Variants in WNT3 observed in about 807,000 individuals in gnomAD.
WNT3 encodes proto-oncogene Wnt-3.
A neutral mutation model predicts 34.2 loss-of-function variants in WNT3; 7 were observed. The observed-to-expected ratio is 0.20, with a 90% CI of 0.12 to 0.38. WNT3 has a LOEUF of 0.38. WNT3 is among the 10% of genes least tolerant of loss of function. The probability of loss-of-function intolerance (pLI) is 1.00; values close to 1 mark genes in which losing one functional copy is unlikely to be tolerated. For synonymous variants in WNT3, 212 were observed against 211.5 expected, an observed-to-expected ratio of 1.00 and a Z score of -0.02; for missense variants, 267 against 499.8, an observed-to-expected ratio of 0.53 and a Z score of 4.44.
rs1475406463 is a variant in WNT3 at position 46,762,883 on chromosome 17, T to C, written c.*1747A>G. 1 of 152,220 alleles carries C rather than the reference T, an allele frequency of 6.6e-6. No individual in the cohort carries two copies. Among genetic ancestry groups the C allele is most frequent in the Non-Finnish European group, 1.5e-5 (1 of 68,046 alleles). 9.4% of individuals were successfully genotyped at this position (152,220 alleles called of 1,614,324 possible). On this transcript the variant is annotated 3_prime_UTR_variant, in exon 5 of 5. Coordinates refer to ENST00000225512, the MANE Select transcript of WNT3 (RefSeq NM_030753.5). ...ACTTTTAATATAGAATACATAGATA[T>C]GAAAAGATTGTTTTGAAAATTCGTA...
chr17:46,814,865 T>G, intron 1 of WNT3, among the ~76,000 whole-genome samples: 1 of 151,970 alleles, frequency 6.6e-6, no homozygotes, highest in Non-Finnish European at 1.5e-5. Flanking sequence ...GAAACTGAGG[T>G]AGGTCTTAGG....
At chr17:46,783,819 C>T (rs1215907419) in intron 1 of WNT3, among the ~76,000 whole-genome samples, 1 of 152,192 alleles carries the variant, frequency 6.6e-6, no homozygotes, top group Non-Finnish European at 1.5e-5. Context: ...CTAGGAGCCA[C>T]ACAGAGAAGC....
intron 1 of WNT3, among the ~76,000 whole-genome samples, chr17:46,796,001 G>T (rs1014310542): frequency 5.9e-5 from 9 of 152,120 alleles, no homozygotes; most frequent in Non-Finnish European, 1.3e-4. Context: ...AAAAAGAACT[G>T]ATCAGGTTGT....
At chr17:46,772,455 G>C (rs1174087698) in intron 2 of WNT3, among the ~76,000 whole-genome samples, 5 of 152,238 alleles carry the variant, frequency 3.3e-5, no homozygotes, top group Non-Finnish European at 7.3e-5. Flanking sequence ...ACGCAGGGTT[G>C]TTTGATTCAG....
intron 1 of WNT3, among the ~76,000 whole-genome samples, chr17:46,794,012 C>T (rs527865381): frequency 1.3e-5 from 2 of 152,258 alleles, no homozygotes; most frequent in Admixed American, 6.5e-5. Context: ...CTAGGCACGA[C>T]GGGGACATAA....
chr17:46,782,712 G>A (rs967864447), intron 1 of WNT3, among the ~76,000 whole-genome samples: 1 of 152,236 alleles, frequency 6.6e-6, no homozygotes. Flanking sequence ...ATAGTGACGA[G>A]GCAATCACTG....
intron 1 of WNT3, among the ~76,000 whole-genome samples, chr17:46,783,551 G>A (rs2059479503): frequency 6.6e-6 from 1 of 152,208 alleles, no homozygotes; most frequent in South Asian, 2.1e-4. Flanking sequence ...CTAGGTCTGG[G>A]CACTGTGGGT....
At chr17:46,815,564 A>C (rs998689699) in intron 1 of WNT3, among the ~76,000 whole-genome samples, 2 of 151,412 alleles carry the variant, frequency 1.3e-5, no homozygotes, top group Non-Finnish European at 1.5e-5. Flanking sequence ...TGGGTTGGGG[A>C]GTGGGGGCAG....
At chr17:46,785,839 A>G (rs1182479393) in intron 1 of WNT3, among the ~76,000 whole-genome samples, 1 of 152,000 alleles carries the variant, frequency 6.6e-6, no homozygotes, top group Non-Finnish European at 1.5e-5. Context: ...CTTTGGGGAG[A>G]AAAGGGAAGG....
chr17:46,786,475 C>T (rs749091352), intron 1 of WNT3, among the ~76,000 whole-genome samples: 41 of 152,216 alleles, frequency 2.7e-4, no homozygotes, highest in Non-Finnish European at 5.6e-4. Flanking sequence ...GCAGGGACCT[C>T]ACTCTTCAGA....
chr17:46,780,941 A>G (rs560743746), intron 1 of WNT3, among the ~76,000 whole-genome samples: 1 of 152,248 alleles, frequency 6.6e-6, no homozygotes, highest in African/African-American at 2.4e-5. Flanking sequence ...CTATTCAGCC[A>G]GAAAAAGGAA....
At chr17:46,793,923 A>G (rs1387206685) in intron 1 of WNT3, among the ~76,000 whole-genome samples, 1 of 152,208 alleles carries the variant, frequency 6.6e-6, no homozygotes, top group Non-Finnish European at 1.5e-5. Context: ...CACTCTGTCC[A>G]GACCCCACCC....
At chr17:46,782,045 G>A (rs991435451) in intron 1 of WNT3, among the ~76,000 whole-genome samples, 1 of 152,230 alleles carries the variant, frequency 6.6e-6, no homozygotes, top group Admixed American at 6.5e-5. Context: ...CATGGGTGGA[G>A]CTGCAGAAGG....
intron 1 of WNT3, among the ~76,000 whole-genome samples, chr17:46,808,223 A>C: frequency 6.6e-6 from 1 of 152,232 alleles, no homozygotes; most frequent in East Asian, 1.9e-4. Flanking sequence ...CAAAATCCTC[A>C]CATGGCCACT....
chr17:46,770,409 C>T (rs1349754666), intron 2 of WNT3, among the ~76,000 whole-genome samples: 1 of 152,232 alleles, frequency 6.6e-6, no homozygotes, highest in African/African-American at 2.4e-5. Context: ...TGCCCTCCAC[C>T]TTCCCAAAGT....
chr17:46,782,297 G>A (rs898032572), intron 1 of WNT3, among the ~76,000 whole-genome samples: 9 of 152,184 alleles, frequency 5.9e-5, no homozygotes, highest in African/African-American at 1.4e-4. Flanking sequence ...AGGGAGAGGA[G>A]GAGGGAAGGT....
chr17:46,782,993 C>T (rs971727406), intron 1 of WNT3, among the ~76,000 whole-genome samples: 8 of 152,188 alleles, frequency 5.3e-5, no homozygotes, highest in African/African-American at 1.9e-4. Flanking sequence ...CGCCAAGGTG[C>T]CTCAGGGGGT....
intron 1 of WNT3, among the ~76,000 whole-genome samples, chr17:46,774,527 A>G (rs1004342070): frequency 6.6e-6 from 1 of 152,212 alleles, no homozygotes; most frequent in Non-Finnish European, 1.5e-5. Context: ...AGAAGTTTCT[A>G]GAGCTCCACC....
chr17:46,804,234 C>CGT (rs2146448719), intron 1 of WNT3, among the ~76,000 whole-genome samples: 1 of 152,136 alleles, frequency 6.6e-6, no homozygotes, highest in Non-Finnish European at 1.5e-5. Context: ...ACTACAGGTG[C>CGT]GTGCCACCAC....
Sources: allele counts gnomAD v4.1 joint callset (sites outside exome capture counted in the v4.1 genomes callset), GRCh38; gene constraint gnomAD v4.1.1; transcripts MANE v1.5; gene names NCBI Gene and HGNC (gene_info 2026-07-23, HGNC 2026-07-21).